The following LTBP1 variants were observed in gnomAD, a reference collection of about 807,000 sequenced individuals.
LTBP1 encodes latent transforming growth factor beta binding protein 1, also known as latent-transforming growth factor beta-binding protein 1.
A neutral mutation model predicts 207.6 loss-of-function variants in LTBP1; 129 were observed. That is an observed-to-expected ratio of 0.62 (90% CI 0.54 to 0.72). LTBP1 has a LOEUF of 0.72. Ranked by LOEUF, LTBP1 falls within the 30% of genes least tolerant of loss-of-function variation. The pLI is 0.00. For missense variants in LTBP1, 2,281 were observed against 2,217.2 expected (o/e 1.03, Z -0.58); for synonymous variants, 963 against 833.7 (o/e 1.16, Z -2.67).
chr2:32,971,205 G>A (rs530872275), intron 2 of LTBP1, among the ~76,000 whole-genome samples: 1 of 152,100 alleles, frequency 6.6e-6, no homozygotes, highest in East Asian at 1.9e-4. Flanking sequence ...GAAACTTTGG[G>A]GTTTTCTAGA....
chr2:33,355,416 A>T lies in LTBP1; in HGVS notation c.4001-5181A>T, dbSNP rs534087231. On this transcript the variant is annotated intron_variant, in intron 26 of 33. Coordinates refer to ENST00000404816, the MANE Select transcript of LTBP1 (RefSeq NM_206943.4). ...ATGCACATCCTCCTGTATACATTGA[A>T]TCATCTCTAGATGACTCATAATACA... Among the ~76,000 whole-genome samples, 520 of 152,284 alleles carry T rather than the reference A, an allele frequency of 3.4e-3. 3 individuals carry two copies. The highest frequency in any genetic ancestry group is 0.012 in the African/African-American group (502 of 41,562).
At chr2:33,137,912 G>A (rs2082274773) in intron 5 of LTBP1, among the ~76,000 whole-genome samples, 2 of 152,274 alleles carry the variant, frequency 1.3e-5, no homozygotes, top group South Asian at 2.1e-4. Flanking sequence ...AGAGGGACAA[G>A]GTGAAGGACC....
In LTBP1 at chr2:33,217,560, A is replaced by G. The variant is rs745610260; in HGVS notation, c.1710A>G (p.Lys570=). ...ACACCTAATCATTGCAGTGTGGCAAAGCGCTCCCTGGCCTTTCAAAGCAAG... is the reference window on the plus strand; with the variant it reads ...ACACCTAATCATTGCAGTGTGGCAAGGCGCTCCCTGGCCTTTCAAAGCAAG... ...FQETIGSQCG[K]ALPGLSKQED... Residue 570 remains lysine, a synonymous_variant, in exon 8 of 34, where the codon AAA becomes AAG. Transcript: ENST00000404816. 7.4e-6 allele frequency: 12 copies of G among 1,613,638 alleles called. No homozygotes were observed. The highest frequency in any genetic ancestry group is 1.7e-4 in the Middle Eastern group (1 of 6,056).
intron 2 of LTBP1, among the ~76,000 whole-genome samples, chr2:32,996,739 C>T (rs1037946272): frequency 1.3e-5 from 2 of 152,166 alleles, no homozygotes; most frequent in African/African-American, 4.8e-5. Flanking sequence ...GAAACTGAGG[C>T]TCCAGAGGTT....
chr2:33,323,426 C>G (rs1336444438), intron 24 of LTBP1, among the ~76,000 whole-genome samples: 4 of 152,154 alleles, frequency 2.6e-5, no homozygotes, highest in African/African-American at 9.7e-5. Flanking sequence ...CACCTGAAGT[C>G]AGGAGTTCGA....
chr2:33,307,336 A>C (rs1021469550), intron 22 of LTBP1, among the ~76,000 whole-genome samples: 2 of 152,228 alleles, frequency 1.3e-5, no homozygotes, highest in Non-Finnish European at 2.9e-5. Flanking sequence ...ATGATTTTAG[A>C]AATATTTATA....
chr2:33,212,122 A>G (rs2090354864), intron 7 of LTBP1, among the ~76,000 whole-genome samples: 1 of 152,208 alleles, frequency 6.6e-6, no homozygotes, highest in African/African-American at 2.4e-5. Context: ...TTTGTGGAAT[A>G]ATTGTAATGA....
At chr2:32,979,141 C>G (rs1043563102) in intron 2 of LTBP1, among the ~76,000 whole-genome samples, 1 of 150,228 alleles carries the variant, frequency 6.7e-6, no homozygotes, top group Admixed American at 6.6e-5. Flanking sequence ...TTCAAGAAAC[C>G]AACTTTTCAT....
At chr2:32,955,338 T>C (rs1270063330) in intron 2 of LTBP1, among the ~76,000 whole-genome samples, 1 of 152,244 alleles carries the variant, frequency 6.6e-6, no homozygotes, top group Non-Finnish European at 1.5e-5. Context: ...AGTTTTTCTT[T>C]AGTTAGTTGA....
Position 33,397,151 on chromosome 2 carries a change from A to T in LTBP1, c.4853A>T (p.Glu1618Val), listed in dbSNP as rs2095365998. 1.9e-6 allele frequency: 3 copies of T among 1,613,830 alleles called. No homozygotes were observed. In the Admixed American group the frequency reaches 5.0e-5, roughly 27 times the overall value. ...FIQDRFLNSF[E>V]ELQAEECGIL... ...TTTCCAGGTTTTCTAAATAGCTTTGAGGAGTTACAGGCTGAGGAATGCGGC... is the reference window on the plus strand; with the variant it reads ...TTTCCAGGTTTTCTAAATAGCTTTGTGGAGTTACAGGCTGAGGAATGCGGC... The change falls in exon 33 of 34, where the codon GAG becomes GTG. Residue 1618 changes from glutamate to valine, a missense_variant. Around this residue, in one of 3 missense-constraint regions of LTBP1, gnomAD observed 1,671 missense variants for 1,634.8 expected, o/e 1.02. Coordinates refer to ENST00000404816, the MANE Select transcript of LTBP1 (RefSeq NM_206943.4).
In LTBP1 at chr2:33,171,915, G is replaced by A. The variant is rs927865936; in HGVS notation, c.1202-14941G>A. On this transcript the variant is annotated intron_variant, in intron 5 of 33. Transcript: ENST00000404816. ...TCATATCCAGCCAAACTAAGCTTCG[G>A]AAGTGAAGGAGAAATAAAATACTTT... is the stretch of plus-strand genomic sequence containing the variant. 9.9e-5 allele frequency among the ~76,000 whole-genome samples: 15 copies of A among 152,238 alleles called. 1 individual carries two copies. The highest frequency in any genetic ancestry group is 9.7e-4 in the East Asian group (5 of 5,176).
chr2:33,217,206 CA>C (rs2090777469), intron 7 of LTBP1, among the ~76,000 whole-genome samples: 1 of 152,076 alleles, frequency 6.6e-6, no homozygotes, highest in Non-Finnish European at 1.5e-5. Flanking sequence ...CAGACAGATA[CA>C]ACTAAAATCT....
intron 3 of LTBP1, among the ~76,000 whole-genome samples, chr2:33,076,787 G>A (rs907661631): frequency 2.6e-5 from 4 of 151,182 alleles, no homozygotes; most frequent in South Asian, 4.2e-4. Flanking sequence ...CACCCGTCTC[G>A]GCCTCCCAAA....
At chr2:33,232,991 C>T (rs759949855) in intron 9 of LTBP1, among the ~76,000 whole-genome samples, 34 of 152,056 alleles carry the variant, frequency 2.2e-4, no homozygotes, top group South Asian at 6.2e-4. Flanking sequence ...GAGATAATCT[C>T]CTAATTCTTT....
At position 33,186,978 on chromosome 2, in the gene LTBP1, C is replaced by G. The variant is rs1247193194; in HGVS notation, c.1324C>G (p.Leu442Val). ...IPVHGASVPK[L>V]YQHSQQPGKA... is the part of the protein sequence containing the mutation. ...AGTCCATGGTGCCAGCGTGCCTAAA[C>G]TTTATCAGCATTCCCAGCAGCCAGG... is the stretch of plus-strand genomic sequence containing the variant. The change falls in exon 6 of 34, where the codon CTT becomes GTT. Residue 442 changes from leucine to valine, a missense_variant. Coordinates refer to ENST00000404816, the MANE Select transcript of LTBP1 (RefSeq NM_206943.4). The G allele has an allele frequency of 6.2e-7, 1 of 1,614,212 alleles. No individual in the cohort carries two copies. Among genetic ancestry groups the G allele is most frequent in the East Asian group, 2.2e-5 (1 of 44,880 alleles).
chr2:33,342,449 A>G (rs772981247), intron 24 of LTBP1, among the ~76,000 whole-genome samples: 6 of 152,238 alleles, frequency 3.9e-5, no homozygotes, highest in Non-Finnish European at 7.3e-5. Context: ...TGCAAATACT[A>G]TTAGCATTTA....
At chr2:33,085,626 TTTA>T (rs1422808964) in intron 3 of LTBP1, among the ~76,000 whole-genome samples, 1 of 152,138 alleles carries the variant, frequency 6.6e-6, no homozygotes, top group African/African-American at 2.4e-5. Context: ...CTATGACACA[TTTA>T]TTATTATCCT....
intron 23 of LTBP1, among the ~76,000 whole-genome samples, chr2:33,309,979 C>G (rs1219653117): frequency 3.4e-5 from 5 of 149,218 alleles, no homozygotes; most frequent in Admixed American, 6.6e-5. Context: ...CAGAGTCTCG[C>G]TCTTGTCACC....
At chr2:33,355,574 A>G (rs770724409) in intron 26 of LTBP1, among the ~76,000 whole-genome samples, 27 of 152,176 alleles carry the variant, frequency 1.8e-4, no homozygotes, top group Non-Finnish European at 3.1e-4. Context: ...TGTGAATCCC[A>G]TGGATACAGA....
Sources: gnomAD v4.1 joint callset for allele counts (sites outside exome capture counted in the v4.1 genomes callset) on GRCh38, gnomAD v4.1.1 for gene constraint, gnomAD v4.1.1 regional missense constraint, MANE v1.5 for transcripts, NCBI Gene and HGNC (gene_info 2026-07-23, HGNC 2026-07-21) for gene names.